Variants in SPOCK3 observed in about 807,000 individuals in gnomAD.
The protein encoded by SPOCK3 is testican-3.
In SPOCK3, 30 loss-of-function variants were observed where a neutral mutation model predicts 56.6. The ratio of observed to expected loss-of-function variants is 0.53; its 90% CI spans 0.40 to 0.72. The LOEUF is 0.72. Ranked by LOEUF, SPOCK3 falls within the 30% of genes least tolerant of loss-of-function variation. The pLI, the probability that SPOCK3 is intolerant of heterozygous loss-of-function variation, is 0.00. For missense variants in SPOCK3, 527 were observed against 530.0 expected (o/e 0.99, Z 0.06); for synonymous variants, 196 against 183.3 (o/e 1.07, Z -0.56).
At chr4:166,898,711 C>T (rs1469537359) in intron 5 of SPOCK3, among the ~76,000 whole-genome samples, 4 of 152,086 alleles carry the variant, frequency 2.6e-5, no homozygotes, top group African/African-American at 9.7e-5. Flanking sequence ...ATGAGTGAGC[C>T]AAGATTCATG....
chr4:167,125,024 C>T (rs1343144785), intron 2 of SPOCK3, among the ~76,000 whole-genome samples: 2 of 152,022 alleles, frequency 1.3e-5, no homozygotes, highest in Non-Finnish European at 2.9e-5. Flanking sequence ...GAAGTCTTTT[C>T]TTGTCATGCT....
intron 2 of SPOCK3, among the ~76,000 whole-genome samples, chr4:167,078,221 A>C (rs995152569): frequency 2.6e-5 from 4 of 151,926 alleles, no homozygotes; most frequent in Admixed American, 2.0e-4. Flanking sequence ...AGGCACTATC[A>C]GATCAGAAAC....
At chr4:167,113,693 T>C (rs990846996) in intron 2 of SPOCK3, among the ~76,000 whole-genome samples, 3 of 151,994 alleles carry the variant, frequency 2.0e-5, no homozygotes, top group Admixed American at 1.3e-4. Flanking sequence ...TACCTACCCA[T>C]AGGCCTACGG....
intron 4 of SPOCK3, among the ~76,000 whole-genome samples, chr4:166,915,507 A>G (rs1737748626): frequency 6.6e-6 from 1 of 152,218 alleles, no homozygotes; most frequent in African/African-American, 2.4e-5. Flanking sequence ...TATAATATGT[A>G]AACATATATA....
chr4:167,165,391 G>C (rs560912624), intron 2 of SPOCK3, among the ~76,000 whole-genome samples: 2 of 152,034 alleles, frequency 1.3e-5, no homozygotes, highest in East Asian at 3.9e-4. Context: ...TCAAAAAGTG[G>C]GCAAAGGATA....
At chr4:166,870,119 C>G (rs1417057541) in intron 6 of SPOCK3, among the ~76,000 whole-genome samples, 3 of 152,004 alleles carry the variant, frequency 2.0e-5, no homozygotes, top group Non-Finnish European at 4.4e-5. Context: ...AATCCCTGGT[C>G]TTTAGGAGAA....
chr4:167,149,495 G>T (rs866496077), intron 2 of SPOCK3, among the ~76,000 whole-genome samples: 14 of 151,972 alleles, frequency 9.2e-5, no homozygotes, highest in African/African-American at 2.9e-4. Flanking sequence ...TATACCCTGG[G>T]CTACAATTAT....
chr4:167,230,220 A>T (rs1381035392), intron 2 of SPOCK3, among the ~76,000 whole-genome samples: 1 of 151,926 alleles, frequency 6.6e-6, no homozygotes, highest in East Asian at 1.9e-4. Context: ...TAAGTAATTC[A>T]TTGGTTCCAA....
At chr4:167,036,043 A>AT (rs569108745) in intron 3 of SPOCK3, among the ~76,000 whole-genome samples, 4 of 152,320 alleles carry the variant, frequency 2.6e-5, no homozygotes, top group African/African-American at 9.6e-5. Context: ...GAGATAATCC[A>AT]TTTTTTAACT....
chr4:167,122,101 CTCTTCTCTTCTCTTTTT>C (rs1285480670), intron 2 of SPOCK3, among the ~76,000 whole-genome samples: 2 of 138,582 alleles, frequency 1.4e-5, no homozygotes, highest in Non-Finnish European at 3.1e-5. Flanking sequence ...TTTTTCTTTT[CTCTTCTCTTCTCTTTTT>C]TCTTTTTTCT....
chr4:166,743,863 A>T (rs1380475578), intron 8 of SPOCK3, among the ~76,000 whole-genome samples: 1 of 152,224 alleles, frequency 6.6e-6, no homozygotes, highest in Non-Finnish European at 1.5e-5. Context: ...CTGCTAGCAC[A>T]GCAGTCGGAG....
At chr4:166,894,076 A>G (rs1735081193) in intron 5 of SPOCK3, among the ~76,000 whole-genome samples, 1 of 152,154 alleles carries the variant, frequency 6.6e-6, no homozygotes, top group Non-Finnish European at 1.5e-5. Flanking sequence ...AAACATAGTA[A>G]CAACATTAAA....
intron 4 of SPOCK3, among the ~76,000 whole-genome samples, chr4:166,977,259 AGATT>A (rs1167017678): frequency 2.0e-5 from 3 of 152,106 alleles, no homozygotes; most frequent in East Asian, 1.9e-4. Context: ...TACAAGTTAG[AGATT>A]GATTAACTTA....
rs560074000 is a variant in SPOCK3, at chr4:167,214,806, T to C, written c.189+19179A>G. ...TTCAGACAAGATGCAGTGAGAACCC[T>C]TTCTCTAGGTTTGAAAGCTTACCTT... is the stretch of plus-strand genomic sequence containing the variant. On this transcript the variant is annotated intron_variant, in intron 2 of 10. Coordinates refer to ENST00000357545, the MANE Select transcript of SPOCK3 (RefSeq NM_001040159.2). Among the ~76,000 whole-genome samples the C allele has an allele frequency of 5.3e-5, 8 of 152,148 alleles. No individual in the cohort carries two copies. The South Asian group carries it at 1.5e-3, about 28-fold the overall frequency.
intron 2 of SPOCK3, among the ~76,000 whole-genome samples, chr4:167,181,122 A>G (rs1448811655): frequency 1.3e-5 from 2 of 152,126 alleles, no homozygotes; most frequent in African/African-American, 4.8e-5. Flanking sequence ...TTAATCCTCC[A>G]GACTCTGAAA....
At chr4:166,957,019 A>G (rs1743573232) in intron 4 of SPOCK3, among the ~76,000 whole-genome samples, 1 of 152,142 alleles carries the variant, frequency 6.6e-6, no homozygotes, top group Non-Finnish European at 1.5e-5. Flanking sequence ...CTGGGGAGGC[A>G]GAGACAAGCA....
intron 2 of SPOCK3, among the ~76,000 whole-genome samples, chr4:167,213,094 T>C (rs1735035302): frequency 6.6e-6 from 1 of 152,350 alleles, no homozygotes; most frequent in Non-Finnish European, 1.5e-5. Flanking sequence ...ACTGGCAGCA[T>C]GTGATTGAAT....
At chr4:167,006,101 T>C (rs1228268157) in intron 3 of SPOCK3, among the ~76,000 whole-genome samples, 1 of 152,192 alleles carries the variant, frequency 6.6e-6, no homozygotes, top group African/African-American at 2.4e-5. Flanking sequence ...TCTGTGCCAG[T>C]ATAGTTCTTT....
intron 6 of SPOCK3, among the ~76,000 whole-genome samples, chr4:166,825,607 T>C (rs1433682901): frequency 1.3e-5 from 2 of 151,988 alleles, no homozygotes; most frequent in African/African-American, 4.8e-5. Flanking sequence ...AGCGGCACAA[T>C]TCACAATTGC....
Sources: gnomAD v4.1 joint callset for allele counts (sites outside exome capture counted in the v4.1 genomes callset) on GRCh38, gnomAD v4.1.1 for gene constraint, MANE v1.5 for transcripts, NCBI Gene and HGNC (gene_info 2026-07-23, HGNC 2026-07-21) for gene names.